Variants in GRID1 observed in about 807,000 individuals in gnomAD.
The protein encoded by GRID1 is glutamate receptor ionotropic, delta-1.
In GRID1, 28 loss-of-function variants were observed where a neutral mutation model predicts 98.0. That is an observed-to-expected ratio of 0.29 (90% CI 0.21 to 0.39). The LOEUF (loss-of-function observed/expected upper bound fraction) is 0.39. GRID1 is among the 10% of genes least tolerant of loss of function. GRID1 has a pLI of 1.00. For synonymous variants in GRID1, 553 were observed against 538.5 expected (o/e 1.03, Z -0.37); for missense variants, 1,111 against 1,340.5 (o/e 0.83, Z 2.67).
intron 12 of GRID1, among the ~76,000 whole-genome samples, chr10:85,699,245 GT>G (rs1841426531): frequency 6.6e-6 from 1 of 152,022 alleles, no homozygotes; most frequent in South Asian, 2.1e-4. Context: ...TAACTATGGG[GT>G]TTTGCAATGT....
At chr10:85,879,754 C>T (rs768448174) in intron 5 of GRID1, among the ~76,000 whole-genome samples, 2 of 151,980 alleles carry the variant, frequency 1.3e-5, no homozygotes, top group Non-Finnish European at 2.9e-5. Context: ...TAGCAGAAGG[C>T]AAGAAATAAC....
chr10:85,943,903 T>A (rs1417877369), intron 4 of GRID1, among the ~76,000 whole-genome samples: 1 of 152,218 alleles, frequency 6.6e-6, no homozygotes, highest in Admixed American at 6.5e-5. Flanking sequence ...GCTGTGTGAC[T>A]TTTTTGGCCA....
At chr10:85,604,641 A>G (rs1842636149) in intron 15 of GRID1, among the ~76,000 whole-genome samples, 1 of 152,136 alleles carries the variant, frequency 6.6e-6, no homozygotes, top group Admixed American at 6.5e-5. Flanking sequence ...GTTTATGCTG[A>G]CTCCTTCAAA....
intron 14 of GRID1, among the ~76,000 whole-genome samples, chr10:85,614,173 T>C (rs1038554863): frequency 5.3e-5 from 8 of 152,340 alleles, no homozygotes; most frequent in Admixed American, 2.6e-4. Flanking sequence ...ACTAAGCTTA[T>C]GGTCTAGAGA....
intron 2 of GRID1, among the ~76,000 whole-genome samples, chr10:86,265,360 G>A (rs1183726833): frequency 6.6e-6 from 1 of 152,256 alleles, no homozygotes; most frequent in Non-Finnish European, 1.5e-5. Flanking sequence ...CATTTCAACT[G>A]GACCCAGCCC....
chr10:86,090,999 C>T (rs1400241711), intron 4 of GRID1, among the ~76,000 whole-genome samples: 1 of 152,148 alleles, frequency 6.6e-6, no homozygotes, highest in African/African-American at 2.4e-5. Flanking sequence ...CACTGGGTCC[C>T]CTAGTAGCCC....
intron 8 of GRID1, among the ~76,000 whole-genome samples, chr10:85,736,807 C>A (rs1457931290): frequency 6.6e-6 from 1 of 152,112 alleles, no homozygotes; most frequent in East Asian, 1.9e-4. Flanking sequence ...ATCAGATAAT[C>A]CATTGCAAGC....
intron 2 of GRID1, among the ~76,000 whole-genome samples, chr10:86,221,703 C>T (rs1324106911): frequency 3.9e-5 from 6 of 152,148 alleles, no homozygotes; most frequent in African/African-American, 7.2e-5. Flanking sequence ...GGTTGGGTGA[C>T]GGCTGTTAGG....
intron 2 of GRID1, among the ~76,000 whole-genome samples, chr10:86,281,089 G>A (rs1847350833): frequency 6.6e-6 from 1 of 152,200 alleles, no homozygotes; most frequent in Non-Finnish European, 1.5e-5. Flanking sequence ...TAGGGAGGGG[G>A]CAGAGCCTAC....
intron 2 of GRID1, among the ~76,000 whole-genome samples, chr10:86,292,780 G>T (rs552169388): frequency 6.6e-6 from 1 of 152,050 alleles, no homozygotes; most frequent in South Asian, 2.1e-4. Context: ...GTGTCTGTGG[G>T]TGTGTGTATG....
At chr10:85,888,209 C>T (rs983522610) in intron 5 of GRID1, among the ~76,000 whole-genome samples, 2 of 152,224 alleles carry the variant, frequency 1.3e-5, no homozygotes, top group Non-Finnish European at 2.9e-5. Flanking sequence ...CAGCACTCTG[C>T]CTGCCCTCAT....
intron 4 of GRID1, among the ~76,000 whole-genome samples, chr10:86,023,033 C>T (rs1843070443): frequency 6.6e-6 from 1 of 152,118 alleles, no homozygotes; most frequent in Admixed American, 6.5e-5. Flanking sequence ...GTAATCACTG[C>T]CTCCTGGGCA....
chr10:86,027,883 G>T (rs993639878), intron 4 of GRID1, among the ~76,000 whole-genome samples: 2 of 152,176 alleles, frequency 1.3e-5, no homozygotes, highest in African/African-American at 4.8e-5. Context: ...TTACCATCAT[G>T]AATTTCTCAT....
chr10:85,956,397 G>A (rs1842193571), intron 4 of GRID1, among the ~76,000 whole-genome samples: 1 of 152,154 alleles, frequency 6.6e-6, no homozygotes, highest in African/African-American at 2.4e-5. Context: ...AAACTTATAA[G>A]CTGCCAATGC....
At chr10:86,316,540 C>G (rs1003558673) in intron 2 of GRID1, among the ~76,000 whole-genome samples, 1 of 152,274 alleles carries the variant, frequency 6.6e-6, no homozygotes. Context: ...GCTGCCCCAG[C>G]CTAGGTGGAA....
chr10:86,349,417 C>T (rs1848433761), intron 2 of GRID1, among the ~76,000 whole-genome samples: 2 of 152,216 alleles, frequency 1.3e-5, no homozygotes, highest in African/African-American at 4.8e-5. Flanking sequence ...CTCTCCCGCC[C>T]ACACAGGCAC....
At chr10:86,261,966 C>G (rs1164450095) in intron 2 of GRID1, among the ~76,000 whole-genome samples, 1 of 152,250 alleles carries the variant, frequency 6.6e-6, no homozygotes, top group Non-Finnish European at 1.5e-5. Context: ...AGGAGCTTCA[C>G]TCTTCATGCC....
rs569664307 is a variant in GRID1, at chr10:86,353,842, T to C, written c.235+10099A>G. ...ACACAGGAGGACCAGCATTGGATGT[T>C]ACAGCCATGGCAGGGAAGGAGTTAG... On this transcript the variant is annotated intron_variant, in intron 2 of 15. Transcript: ENST00000327946. Among the ~76,000 whole-genome samples, 8 of 152,244 alleles carry C rather than the reference T, an allele frequency of 5.3e-5. No individual in the cohort carries two copies. The South Asian group carries it at 1.5e-3, about 28-fold the overall frequency.
intron 4 of GRID1, among the ~76,000 whole-genome samples, chr10:86,135,900 G>A (rs1330267685): frequency 6.6e-6 from 1 of 152,240 alleles, no homozygotes; most frequent in Admixed American, 6.5e-5. Context: ...GGGAAGAGGA[G>A]AACTTACAAC....
Sources: allele counts gnomAD v4.1 joint callset (sites outside exome capture counted in the v4.1 genomes callset), GRCh38; gene constraint gnomAD v4.1.1; transcripts MANE v1.5; gene names NCBI Gene and HGNC (gene_info 2026-07-23, HGNC 2026-07-21).